REDIC1: variants seen among roughly 807,000 people sequenced by gnomAD.
The protein encoded by REDIC1 is HEI10 Interacting Protein 1.
the REDIC1 span, among the ~76,000 whole-genome samples, chr12:39,753,220 A>G: frequency 1.3e-5 from 2 of 152,220 alleles, no homozygotes; most frequent in African/African-American, 4.8e-5. Context: ...AAAGGTTAAA[A>G]GAAGTAGCCT....
chr12:39,626,370 CAG>C, the REDIC1 span: 1 of 1,614,056 alleles, frequency 6.2e-7, no homozygotes, highest in Non-Finnish European at 8.5e-7. Context: ...GTAAGTTGTG[CAG>C]CTGGAGTTTG....
chr12:39,642,498 T>A, the REDIC1 span, among the ~76,000 whole-genome samples: 21 of 151,758 alleles, frequency 1.4e-4, 1 homozygote, highest in South Asian at 4.4e-3. Context: ...CCATCCCCAA[T>A]CACACTCAGT....
the REDIC1 span, among the ~76,000 whole-genome samples, chr12:39,626,763 T>G: frequency 6.6e-6 from 1 of 152,186 alleles, no homozygotes; most frequent in African/African-American, 2.4e-5. Flanking sequence ...ATTTGGAAAT[T>G]GTGAAACAGC....
the REDIC1 span, among the ~76,000 whole-genome samples, chr12:39,701,578 A>C: frequency 6.6e-6 from 1 of 152,138 alleles, no homozygotes; most frequent in Non-Finnish European, 1.5e-5. Context: ...TCAGCTCTGC[A>C]CCAAGCAGAC....
the REDIC1 span, chr12:39,683,485 GT>G: frequency 6.3e-7 from 1 of 1,583,940 alleles, no homozygotes. Flanking sequence ...CAAACTCTAT[GT>G]AAGTTTTTAG....
chr12:39,757,192 CCTT>C, the REDIC1 span: 6 of 151,696 alleles, frequency 4.0e-5, no homozygotes, highest in African/African-American at 1.2e-4. Context: ...GGGATTTGGA[CCTT>C]CTTCATTGTA....
At chr12:39,667,702 A>T in the REDIC1 span, among the ~76,000 whole-genome samples, 1 of 152,246 alleles carries the variant, frequency 6.6e-6, no homozygotes, top group Middle Eastern at 3.4e-3. Context: ...TGGGAGTCTA[A>T]GTCTCTTTCT....
At chr12:39,886,319 C>G in the REDIC1 span, among the ~76,000 whole-genome samples, 3 of 151,902 alleles carry the variant, frequency 2.0e-5, no homozygotes, top group African/African-American at 7.3e-5. Context: ...AAGGGAGAGG[C>G]CTATAATTAC....
At chr12:39,781,333 C>A in the REDIC1 span, among the ~76,000 whole-genome samples, 1 of 152,214 alleles carries the variant, frequency 6.6e-6, no homozygotes, top group East Asian at 1.9e-4. Context: ...TACTGTCACA[C>A]CCAGTCTCCT....
chr12:39,864,354 G>T, the REDIC1 span, among the ~76,000 whole-genome samples: 1 of 152,282 alleles, frequency 6.6e-6, no homozygotes, highest in East Asian at 1.9e-4. Flanking sequence ...AGTCCAAATT[G>T]TCAGAATATT....
the REDIC1 span, among the ~76,000 whole-genome samples, chr12:39,676,194 A>T: frequency 2.1e-5 from 3 of 139,594 alleles, no homozygotes; most frequent in East Asian, 4.0e-4. Flanking sequence ...TTAAGGAAAT[A>T]AAAAAAAAAA....
chr12:39,865,085 T>C, the REDIC1 span, among the ~76,000 whole-genome samples: 1 of 152,228 alleles, frequency 6.6e-6, no homozygotes, highest in Non-Finnish European at 1.5e-5. Flanking sequence ...GCACGTTCAT[T>C]GTGAGACATG....
the REDIC1 span, among the ~76,000 whole-genome samples, chr12:39,828,944 T>A: frequency 6.1e-4 from 93 of 152,276 alleles, no homozygotes; most frequent in African/African-American, 2.2e-3. Context: ...GGATTTTTAC[T>A]CAACTAACAT....
the REDIC1 span, among the ~76,000 whole-genome samples, chr12:39,815,849 C>A: frequency 2.6e-5 from 4 of 152,276 alleles, no homozygotes; most frequent in East Asian, 7.7e-4. Context: ...TAAAAGAGAT[C>A]CAATTGTCAA....
chr12:39,809,684 GT>G, the REDIC1 span, among the ~76,000 whole-genome samples: 2 of 152,062 alleles, frequency 1.3e-5, no homozygotes, highest in Non-Finnish European at 2.9e-5. Flanking sequence ...AGTCTCTGGT[GT>G]GTGATGTTCC....
the REDIC1 span, among the ~76,000 whole-genome samples, chr12:39,714,762 G>T: frequency 6.6e-6 from 1 of 151,860 alleles, no homozygotes; most frequent in African/African-American, 2.4e-5. Flanking sequence ...CATTCTTGCA[G>T]GAGTAAGGTG....
At chr12:39,817,240 G>A in the REDIC1 span, among the ~76,000 whole-genome samples, 1 of 152,204 alleles carries the variant, frequency 6.6e-6, no homozygotes, top group Non-Finnish European at 1.5e-5. Context: ...ACTCAAAGTA[G>A]CTCATAACCA....
At chr12:39,718,791 C>CAGACCA in the REDIC1 span, among the ~76,000 whole-genome samples, 1 of 152,066 alleles carries the variant, frequency 6.6e-6, no homozygotes, top group Non-Finnish European at 1.5e-5. Context: ...TCTTGGTCTG[C>CAGACCA]AGAAGCTGCT....
the REDIC1 span, among the ~76,000 whole-genome samples, chr12:39,711,303 T>C: frequency 2.0e-5 from 3 of 146,904 alleles, no homozygotes; most frequent in Non-Finnish European, 3.0e-5. Context: ...ATATAACATA[T>C]ATGTGTATAT....
Sources: allele counts gnomAD v4.1 joint callset (sites outside exome capture counted in the v4.1 genomes callset), GRCh38; gene constraint gnomAD v4.1.1; transcripts MANE v1.5; gene names NCBI Gene and HGNC (gene_info 2026-07-23, HGNC 2026-07-21).